Variants in CD226 observed in about 807,000 individuals in gnomAD.
CD226 encodes CD226 antigen.
Under a neutral mutation model 34.9 loss-of-function variants are expected in CD226, and 24 were observed. The observed-to-expected ratio is 0.69, with a 90% CI of 0.50 to 0.97. The LOEUF (loss-of-function observed/expected upper bound fraction) is 0.97, where lower values mean the gene tolerates loss of function less well. Among genes scored for constraint, CD226 ranks in the 50% least tolerant of loss-of-function variants. CD226 has a pLI of 0.00. For synonymous variants in CD226, 148 were observed against 147.4 expected (o/e 1.00, Z -0.03); for missense variants, 397 against 412.7 (o/e 0.96, Z 0.33).
rs201013673 is a variant in CD226, at chr18:69,947,393, G to A, written c.14C>T (p.Thr5Ile). Residue 5 changes from threonine to isoleucine, a missense_variant, in exon 1 of 6, where the codon ACT (threonine) becomes ATT (isoleucine). Transcript: ENST00000582621. ...TACATGAAGAAGAGCCAAAAGTAAAGTAGGATAATCCATCTCTGGAAACTG... is the reference window on the plus strand; with the variant it reads ...TACATGAAGAAGAGCCAAAAGTAAAATAGGATAATCCATCTCTGGAAACTG... MDYP[T>I]LLLALLHVYR... 52 of 1,586,116 alleles carry A rather than the reference G, an allele frequency of 3.3e-5. No individual in the cohort carries two copies. The Admixed American group carries it at 8.0e-4, about 24-fold the overall frequency.
rs899974152 is a variant in CD226 at position 69,856,290 on chromosome 18, T to C, written c.*8024A>G. On this transcript the variant is annotated 3_prime_UTR_variant, in exon 6 of 6. Transcript: ENST00000582621. ...ATATGTACTAACAAGAGTATCAAGA[T>C]ACATGAGACAAAAACTAACAAAACT... 1 of 152,116 alleles carries C rather than the reference T, an allele frequency of 6.6e-6. No homozygotes were observed. The allele number at this position is 152,116 out of a possible 1,614,324, so 9.4% of individuals were successfully genotyped here. A position where few individuals can be genotyped will look rare whatever the true frequency, so the allele number is the denominator to read the frequency against.
At chr18:69,950,338 C>A (rs1400935552), upstream of CD226, among the ~76,000 whole-genome samples, 2 of 152,196 alleles carry the variant, frequency 1.3e-5, no homozygotes, top group Admixed American at 6.5e-5. Flanking sequence ...TAACATACCA[C>A]CTGCTCTTTT....
At chr18:69,920,468 T>A (rs1320642172) in intron 2 of CD226, among the ~76,000 whole-genome samples, 1 of 152,232 alleles carries the variant, frequency 6.6e-6, no homozygotes, top group African/African-American at 2.4e-5. Flanking sequence ...CATTTCTTCA[T>A]TTTTATATAA....
chr18:69,858,262 C>T lies in CD226; in HGVS notation c.*6052G>A, dbSNP rs1982667666. ...TCAGGTATTACACAGGGCCTTGAAA[C>T]ATTTATAAAAGGGTATATTAAACCC... On this transcript the variant is annotated 3_prime_UTR_variant, in exon 6 of 6. Transcript: ENST00000582621. 1 of 152,102 alleles carries T rather than the reference C, an allele frequency of 6.6e-6. No individual in the cohort carries two copies. The highest frequency in any genetic ancestry group is 1.5e-5 in the Non-Finnish European group (1 of 68,006). 9.4% of individuals were successfully genotyped at this position (152,102 alleles called of 1,614,324 possible). A position where few individuals can be genotyped will look rare whatever the true frequency, so the allele number is the denominator to read the frequency against.
Position 69,872,040 on chromosome 18 carries a change from A to T in CD226, c.830+1104T>A, listed in dbSNP as rs1983554785. The stretch of plus-strand genomic sequence containing the variant: ...AAGAGACAAGATGGAGAGACACTGG[A>T]AATCCTATTAACAAGGGGTGTGTGT... On this transcript the variant is annotated intron_variant, in intron 4 of 5. Coordinates refer to ENST00000582621, the MANE Select transcript of CD226 (RefSeq NM_001303618.2). 2.1e-5 allele frequency among the ~76,000 whole-genome samples: 3 copies of T among 141,674 alleles called. No homozygotes were observed. In the South Asian group the frequency reaches 7.1e-4, roughly 33 times the overall value. 92.9% of individuals were successfully genotyped at this position (141,674 alleles called of 152,430 possible).
At chr18:69,953,870 C>T (rs754235295) in intron 1 of CD226, among the ~76,000 whole-genome samples, 9 of 151,754 alleles carry the variant, frequency 5.9e-5, no homozygotes, top group Non-Finnish European at 8.8e-5. Context: ...CGTGGTGGTG[C>T]GCAACTGTAA....
At chr18:69,954,282 T>C (rs1393373996) in intron 1 of CD226, among the ~76,000 whole-genome samples, 1 of 152,188 alleles carries the variant, frequency 6.6e-6, no homozygotes, top group African/African-American at 2.4e-5. Context: ...ACAGACACAC[T>C]CTGTCACAAC....
At chr18:69,864,475 A>C (rs755605864) in intron 5 of CD226, 36 bp from the exon 6 acceptor site, 1 of 1,601,504 alleles carries the variant, frequency 6.2e-7, no homozygotes, top group Non-Finnish European at 8.5e-7. Context: ...TCAATAATTC[A>C]CTGCATTTCA....
At chr18:69,897,243 T>C in intron 2 of CD226, among the ~76,000 whole-genome samples, 1 of 152,184 alleles carries the variant, frequency 6.6e-6, no homozygotes, top group East Asian at 1.9e-4. Flanking sequence ...ATAGCGTACA[T>C]AAACAAACAC....
chr18:69,900,733 C>T (rs1282792188), intron 2 of CD226, among the ~76,000 whole-genome samples: 15 of 123,250 alleles, frequency 1.2e-4, no homozygotes, highest in South Asian at 8.4e-4. Flanking sequence ...AGCGAGACTC[C>T]GTCTCAAAAA....
At chr18:69,900,136 T>C (rs1007560334) in intron 2 of CD226, among the ~76,000 whole-genome samples, 1 of 152,224 alleles carries the variant, frequency 6.6e-6, no homozygotes, top group African/African-American at 2.4e-5. Context: ...TGTGGGAACA[T>C]GGATGCAGCT....
intron 4 of CD226, among the ~76,000 whole-genome samples, chr18:69,868,654 C>T (rs1983297784): frequency 6.6e-6 from 1 of 152,108 alleles, no homozygotes; most frequent in Non-Finnish European, 1.5e-5. Context: ...CTATTATTAT[C>T]CTCATTTTAA....
In CD226 at chr18:69,895,838, C is replaced by A. The variant is rs1009892091; in HGVS notation, c.590G>T (p.Ser197Ile). The A allele has an allele frequency of 8.1e-6, 13 of 1,614,208 alleles. No homozygotes were observed. Among genetic ancestry groups the A allele is most frequent in the Non-Finnish European group, 1.1e-5 (13 of 1,180,044 alleles). Reference sequence around the variant, plus strand: ...GCTCCACCTTCCGTGGCTGCAGTTGCTCACTATTTGTCTTGGGAACTTGGA... The same window carrying A: ...GCTCCACCTTCCGTGGCTGCAGTTGATCACTATTTGTCTTGGGAACTTGGA... ...FTSKFPRQIV[S>I]NCSHGRWSVI... Residue 197 changes from serine to isoleucine, a missense_variant, in exon 3 of 6, where the codon AGC (serine) becomes ATC (isoleucine). Coordinates refer to ENST00000582621, the MANE Select transcript of CD226 (RefSeq NM_001303618.2).
intron 3 of CD226, among the ~76,000 whole-genome samples, chr18:69,876,012 G>T (rs1983842967): frequency 6.6e-6 from 1 of 152,014 alleles, no homozygotes; most frequent in African/African-American, 2.4e-5. Context: ...ATTAATTGTG[G>T]TGATTACTAC....
At chr18:69,961,060 A>G (rs2055927312), upstream of CD226, among the ~76,000 whole-genome samples, 1 of 152,242 alleles carries the variant, frequency 6.6e-6, no homozygotes, top group African/African-American at 2.4e-5. Flanking sequence ...ATAAAACAGA[A>G]AAGAATTTAA....
Position 69,864,113 on chromosome 18 carries a change from A to T in CD226, c.*201T>A. The T allele has an allele frequency of 5.5e-6, 3 of 548,588 alleles. No individual in the cohort carries two copies. The highest frequency in any genetic ancestry group is 9.7e-6 in the Non-Finnish European group (3 of 309,896). 34.0% of individuals were successfully genotyped at this position (548,588 alleles called of 1,614,324 possible). ...TATGATACAGTAAGTTTTCTTTTGT[A>T]TATAAACCAGTTAGAGTCAGGTTTT... On this transcript the variant is annotated 3_prime_UTR_variant, in exon 6 of 6. Coordinates refer to ENST00000582621, the MANE Select transcript of CD226 (RefSeq NM_001303618.2).
upstream of CD226, among the ~76,000 whole-genome samples, chr18:69,950,627 G>A (rs1344370636): frequency 6.6e-6 from 1 of 152,120 alleles, no homozygotes; most frequent in Non-Finnish European, 1.5e-5. Context: ...AGCAGTCCAG[G>A]TGGATAGGAG....
intron 2 of CD226, among the ~76,000 whole-genome samples, chr18:69,927,367 C>CAT (rs1408129686): frequency 7.3e-6 from 1 of 136,312 alleles, no homozygotes. Flanking sequence ...AGACACTACA[C>CAT]ACACACACAC....
rs574962557 is a variant in CD226, at chr18:69,877,871, A to G, written c.728-4625T>C. Among the ~76,000 whole-genome samples, 10 of 152,348 alleles carry G rather than the reference A, an allele frequency of 6.6e-5. No homozygotes were observed. In the South Asian group the frequency reaches 2.1e-3, roughly 32 times the overall value. ...TAAAGGTGAAATAAAGCATGGAGTC[A>G]GGTAGAGATTCAATCCAGAGACATT... On this transcript the variant is annotated intron_variant, in intron 3 of 5. Coordinates refer to ENST00000582621, the MANE Select transcript of CD226 (RefSeq NM_001303618.2).
Sources: allele counts gnomAD v4.1 joint callset (sites outside exome capture counted in the v4.1 genomes callset), GRCh38; gene constraint gnomAD v4.1.1; transcripts MANE v1.5; gene names NCBI Gene and HGNC (gene_info 2026-07-23, HGNC 2026-07-21).